Variants in PHACTR2 observed in about 807,000 individuals in gnomAD.
PHACTR2 encodes the protein phosphatase and actin regulator 2, also known as chromosome 6 open reading frame 56.
In PHACTR2, 30 loss-of-function variants were observed where a neutral mutation model predicts 76.0. The observed-to-expected ratio is 0.39, with a 90% CI of 0.30 to 0.54. The LOEUF (loss-of-function observed/expected upper bound fraction) is 0.54. Among genes scored for constraint, PHACTR2 ranks in the 20% least tolerant of loss-of-function variants. PHACTR2 has a pLI of 0.61. For missense variants in PHACTR2, 696 were observed against 781.1 expected, an observed-to-expected ratio of 0.89 and a Z score of 1.30; for synonymous variants, 292 against 292.5, an observed-to-expected ratio of 1.00 and a Z score of 0.02.
intron 1 of PHACTR2, among the ~76,000 whole-genome samples, chr6:143,572,933 C>T (rs1775463888): frequency 6.6e-6 from 1 of 152,162 alleles, no homozygotes. Flanking sequence ...AGCATAATGT[C>T]TTTTATCTGT....
rs71024870 is a variant in PHACTR2 at position 143,686,481 on chromosome 6, C to CTTTTT, written c.46+8292_46+8296dup. On this transcript the variant is annotated intron_variant, in intron 1 of 12. Coordinates refer to ENST00000440869, the MANE Select transcript of PHACTR2 (RefSeq NM_001100164.2). ...ACACATAGAGGAGAGGAACTTCATT[C>CTTTTT]TTTTTTTTTTTTTTTTTTTTTTTTG... Among the ~76,000 whole-genome samples the CTTTTT allele has an allele frequency of 9.3e-3, 779 of 83,930 alleles. 16 individuals carry two copies. The highest frequency in any genetic ancestry group is 0.015 in the East Asian group (36 of 2,402). 55.1% of individuals were successfully genotyped at this position (83,930 alleles called of 152,430 possible).
chr6:143,568,543 C>T (rs529863178), intron 1 of PHACTR2, among the ~76,000 whole-genome samples: 1 of 152,312 alleles, frequency 6.6e-6, no homozygotes, highest in African/African-American at 2.4e-5. Flanking sequence ...GGGGGTCTTC[C>T]TCCCACATAT....
chr6:143,598,206 G>A lies in PHACTR2; in HGVS notation c.217+60999G>A, dbSNP rs1775774849. ...TAAGGATGTTGACTTAATGATCCTG[G>A]GCGAAATGATCCTACATTATTTGGC... On this transcript the variant is annotated intron_variant, in intron 1 of 11. Transcript: ENST00000367584. The surrounding 1 kb of genome is among the most constrained non-coding windows in gnomAD (Gnocchi z 4.1). 6.6e-6 allele frequency among the ~76,000 whole-genome samples: 1 copy of A among 152,080 alleles called. No homozygotes were observed.
rs1776081821 is a variant in PHACTR2, at chr6:143,807,091, G to A, written c.1880G>A (p.Ser627Asn). Residue 627 changes from serine (S) to asparagine (N), a missense_variant, in exon 12 of 13, where the codon AGC becomes AAC. By Grantham distance (46) the Ser-to-Asn change is conservative. Transcript: ENST00000440869. This position sits in a 1 kb window ranked among gnomAD's most constrained non-coding sequence, Gnocchi z 5.5. ...AGGAAAGAACTAAATGAATTTAAAA[G>A]CACAGAAATGGAAGTTCATGAAGAG... ...AIRKELNEFK[S>N]TEMEVHEESR... 3 of 1,607,094 alleles carry A rather than the reference G, an allele frequency of 1.9e-6. No homozygotes were observed. The highest frequency in any genetic ancestry group is 1.7e-6 in the Non-Finnish European group (2 of 1,175,138).
intron 1 of PHACTR2, among the ~76,000 whole-genome samples, chr6:143,685,467 C>T (rs1777491107): frequency 6.6e-6 from 1 of 152,014 alleles, no homozygotes; most frequent in South Asian, 2.1e-4. Context: ...CTAATGGTTA[C>T]AATTGTGAAC....
At chr6:143,569,337 T>G (rs1775411746) in intron 1 of PHACTR2, among the ~76,000 whole-genome samples, 1 of 152,180 alleles carries the variant, frequency 6.6e-6, no homozygotes, top group Admixed American at 6.5e-5. Context: ...TGGCCTCAAC[T>G]CTGAGTCACC....
rs1170134883 is a variant in PHACTR2, at chr6:143,823,407, A to C, written c.1923-267A>C. ...ATGTTTTCTGTCTTGGTTGCTGTGT[A>C]ACTTGAATACTATAACCAGCATCTT... On this transcript the variant is annotated intron_variant, in intron 12 of 12. Transcript: ENST00000440869. This position sits in a 1 kb window ranked among gnomAD's most constrained non-coding sequence, Gnocchi z 5.7. 6.6e-6 allele frequency among the ~76,000 whole-genome samples: 1 copy of C among 152,220 alleles called. No homozygotes were observed. Among genetic ancestry groups the C allele is most frequent in the African/African-American group, 2.4e-5 (1 of 41,460 alleles).
At chr6:143,563,383 T>C (rs1288173394) in intron 1 of PHACTR2, among the ~76,000 whole-genome samples, 1 of 118,258 alleles carries the variant, frequency 8.5e-6, no homozygotes, top group African/African-American at 3.0e-5. Context: ...GCGAACATGG[T>C]GAAACCGCAT....
Position 143,783,255 on chromosome 6 carries a change from A to G in PHACTR2, c.1682A>G (p.Glu561Gly). 1 of 1,609,782 alleles carries G rather than the reference A, an allele frequency of 6.2e-7. No homozygotes were observed. The change falls in exon 10 of 13, where the codon GAA becomes GGA. Residue 561 changes from glutamate (E) to glycine (G), a missense_variant. Physicochemically the swap from Glu to Gly is moderately conservative, Grantham distance 98 (BLOSUM62 -2). This residue lies in a region of PHACTR2 where 236 missense variants were observed against 330.2 expected (regional missense o/e 0.71). Coordinates refer to ENST00000440869, the MANE Select transcript of PHACTR2 (RefSeq NM_001100164.2). This position sits in a 1 kb window ranked among gnomAD's most constrained non-coding sequence, Gnocchi z 5.2. ...NEEEEQEAKM[E>G]LKRRLSRKLS... The stretch of plus-strand genomic sequence containing the variant: ...GAAGAGGAACAAGAAGCAAAAATGG[A>G]ACTTAAACGCAGACTCAGCAGAAAG...
Position 143,616,239 on chromosome 6 carries a change from G to C in PHACTR2, c.13+7917G>C, listed in dbSNP as rs1346185002. Among the ~76,000 whole-genome samples, 1 of 152,152 alleles carries C rather than the reference G, an allele frequency of 6.6e-6. No individual in the cohort carries two copies. Among genetic ancestry groups the C allele is most frequent in the East Asian group, 1.9e-4 (1 of 5,200 alleles). On this transcript the variant is annotated intron_variant, in intron 1 of 11. Coordinates refer to the PHACTR2 transcript ENST00000305766. This position sits in a 1 kb window ranked among gnomAD's most constrained non-coding sequence, Gnocchi z 4.9. Reference sequence around the variant, plus strand: ...ATTTAATCTTCTAATTAGGAATAGTGATTGAAATTGTGCCTCAGGACTGGA... The same window carrying C: ...ATTTAATCTTCTAATTAGGAATAGTCATTGAAATTGTGCCTCAGGACTGGA...
At position 143,633,103 on chromosome 6, in the gene PHACTR2, C is replaced by T. The variant is rs183889811; in HGVS notation, c.13+24781C>T. On this transcript the variant is annotated intron_variant, in intron 1 of 11. Transcript: ENST00000305766. The surrounding 1 kb of genome is among the most constrained non-coding windows in gnomAD (Gnocchi z 4.1). ...AGGGCTTTTTGCTGACATAATCTTTCAGCCGATTTGGTTAAATACCAAGGC... is the reference window on the plus strand; with the variant it reads ...AGGGCTTTTTGCTGACATAATCTTTTAGCCGATTTGGTTAAATACCAAGGC... Among the ~76,000 whole-genome samples, 45 of 152,338 alleles carry T rather than the reference C, an allele frequency of 3.0e-4. No homozygotes were observed. The highest frequency in any genetic ancestry group is 9.6e-4 in the African/African-American group (40 of 41,588).
At chr6:143,601,450 G>C (rs1282630088) in intron 1 of PHACTR2, among the ~76,000 whole-genome samples, 1 of 152,152 alleles carries the variant, frequency 6.6e-6, no homozygotes, top group Non-Finnish European at 1.5e-5. Flanking sequence ...GTTTTTTTAG[G>C]AGTACAATGC....
chr6:143,678,228 C>A lies in PHACTR2; in HGVS notation c.46+19C>A. ...GGCAGCGGTGAGTCCGGGGCGCACG[C>A]GATGCGCTCCCGCCGCGCGGGCGCA... On this transcript the variant is annotated intron_variant, in intron 1 of 12. Transcript: ENST00000440869. This position sits in a 1 kb window ranked among gnomAD's most constrained non-coding sequence, Gnocchi z 6.2. 6.7e-7 allele frequency: 1 copy of A among 1,482,780 alleles called. No individual in the cohort carries two copies. 91.9% of individuals were successfully genotyped at this position (1,482,780 alleles called of 1,614,324 possible).
At chr6:143,704,988 G>T (rs10457751) in intron 1 of PHACTR2, among the ~76,000 whole-genome samples, 1 of 150,838 alleles carries the variant, frequency 6.6e-6, no homozygotes, top group Admixed American at 6.6e-5. Context: ...CACCATGCCC[G>T]GATAATGTTT....
At position 143,562,361 on chromosome 6, in the gene PHACTR2, G is replaced by A. The variant is rs753096413; in HGVS notation, c.217+25154G>A. Among the ~76,000 whole-genome samples, 129 of 152,222 alleles carry A rather than the reference G, an allele frequency of 8.5e-4. No homozygotes were observed. The highest frequency in any genetic ancestry group is 2.9e-3 in the Admixed American group (44 of 15,280). On this transcript the variant is annotated intron_variant, in intron 1 of 11. Coordinates refer to the PHACTR2 transcript ENST00000367584. The surrounding 1 kb of genome is among the most constrained non-coding windows in gnomAD (Gnocchi z 5.1). ...TGGAAAGCAAAGGGGAAGCAGGCCC[G>A]TCACATGGCCAGAGCAGGAGCAAGA...
chr6:143,713,841 A>G (rs1037848424), intron 2 of PHACTR2, among the ~76,000 whole-genome samples: 2 of 152,168 alleles, frequency 1.3e-5, no homozygotes, highest in Non-Finnish European at 2.9e-5. Flanking sequence ...GTGCTTAAGC[A>G]TTGGGAGAAT....
In PHACTR2 at chr6:143,710,850, C is replaced by T. The variant is rs369620666; in HGVS notation, c.47-1166C>T. ...AAGAATTGGTATCACGCCTCATATG[C>T]GTATCTACCAGCTGGATTCAACACT... On this transcript the variant is annotated intron_variant, in intron 1 of 12. Transcript: ENST00000440869. This position sits in a 1 kb window ranked among gnomAD's most constrained non-coding sequence, Gnocchi z 4.9. Among the ~76,000 whole-genome samples, 1 of 152,158 alleles carries T rather than the reference C, an allele frequency of 6.6e-6. No homozygotes were observed. Among genetic ancestry groups the T allele is most frequent in the Non-Finnish European group, 1.5e-5 (1 of 68,028 alleles).
At position 143,671,544 on chromosome 6, in the gene PHACTR2, A is replaced by C. The variant is rs1416342709; in HGVS notation, c.14-40472A>C. Among the ~76,000 whole-genome samples, 1 of 152,160 alleles carries C rather than the reference A, an allele frequency of 6.6e-6. No homozygotes were observed. Among genetic ancestry groups the C allele is most frequent in the African/African-American group, 2.4e-5 (1 of 41,438 alleles). On this transcript the variant is annotated intron_variant, in intron 1 of 11. Coordinates refer to the PHACTR2 transcript ENST00000305766. This position sits in a 1 kb window ranked among gnomAD's most constrained non-coding sequence, Gnocchi z 4.6. Reference sequence around the variant, plus strand: ...AATTTCATAGCACTTTTCATCTTCTAAATTGTTATAAAGTTTACTGATTTA... The same window carrying C: ...AATTTCATAGCACTTTTCATCTTCTCAATTGTTATAAAGTTTACTGATTTA...
rs1192392019 is a variant in PHACTR2, at chr6:143,621,404, CCT to C, written c.13+13091_13+13092del. ...GGGCAAATCCTTCCCATAGTTCCTG[CCT>C]CTCTCTCTAGAGTAGCACAGGACTT... On this transcript the variant is annotated intron_variant, in intron 1 of 11. Transcript: ENST00000305766. This position sits in a 1 kb window ranked among gnomAD's most constrained non-coding sequence, Gnocchi z 4.1. Among the ~76,000 whole-genome samples, 2 of 152,164 alleles carry C rather than the reference CCT, an allele frequency of 1.3e-5. No homozygotes were observed. Among genetic ancestry groups the C allele is most frequent in the African/African-American group, 4.8e-5 (2 of 41,438 alleles).
Sources: gnomAD v4.1 joint callset for allele counts (sites outside exome capture counted in the v4.1 genomes callset) on GRCh38, gnomAD v4.1.1 for gene constraint, gnomAD v4.1.1 regional missense constraint, Gnocchi (gnomAD v3.1) non-coding constraint, MANE v1.5 for transcripts, NCBI Gene and HGNC (gene_info 2026-07-23, HGNC 2026-07-21) for gene names.